SFMBT2: variants seen among roughly 807,000 people sequenced by gnomAD.
The protein encoded by SFMBT2 is scm-like with four MBT domains protein 2.
A neutral mutation model predicts 110.1 loss-of-function variants in SFMBT2; 38 were observed. The observed-to-expected ratio is 0.35, with a 90% confidence interval of 0.27 to 0.45. The LOEUF is 0.45. Among genes scored for constraint, SFMBT2 ranks in the 20% least tolerant of loss-of-function variants. The probability of loss-of-function intolerance (pLI) is 1.00; values close to 1 mark genes in which losing one functional copy is unlikely to be tolerated. For missense variants in SFMBT2, 1,011 were observed against 1,094.9 expected (o/e 0.92, Z 1.08); for synonymous variants, 425 against 425.4 (o/e 1.00, Z 0.01).
intron 1 of SFMBT2, among the ~76,000 whole-genome samples, chr10:7,401,432 C>G (rs1483118289): frequency 2.0e-5 from 3 of 152,224 alleles, no homozygotes; most frequent in Non-Finnish European, 4.4e-5. Flanking sequence ...GTGATCTTAA[C>G]ACCTCCTGTT....
intron 20 of SFMBT2, among the ~76,000 whole-genome samples, chr10:7,165,944 A>G (rs947206603): frequency 2.6e-5 from 4 of 152,248 alleles, no homozygotes; most frequent in Admixed American, 6.5e-5. Context: ...CTGTAGGCCA[A>G]TTCCACTTTC....
chr10:7,256,668 G>A (rs776385378), intron 7 of SFMBT2, among the ~76,000 whole-genome samples: 2 of 152,142 alleles, frequency 1.3e-5, no homozygotes, highest in South Asian at 2.1e-4. Context: ...ACTTCCATGC[G>A]ATGTTATCGA....
At chr10:7,214,887 C>T (rs766512014) in intron 11 of SFMBT2, among the ~76,000 whole-genome samples, 12 of 152,198 alleles carry the variant, frequency 7.9e-5, no homozygotes, top group East Asian at 1.9e-4. Flanking sequence ...TTTTGTTATT[C>T]GCACTCTAAA....
chr10:7,405,977 G>T (rs1361583010), intron 1 of SFMBT2, among the ~76,000 whole-genome samples: 1 of 151,360 alleles, frequency 6.6e-6, no homozygotes, highest in Non-Finnish European at 1.5e-5. Flanking sequence ...GTATGATGGG[G>T]GCAATAAGTT....
At position 7,177,869 on chromosome 10, in the gene SFMBT2, AAGAAGAAG is replaced by A. The variant is rs756871001; in HGVS notation, c.1809-1712_1809-1705del. Among the ~76,000 whole-genome samples the A allele has an allele frequency of 2.0e-4, 21 of 105,778 alleles. No homozygotes were observed. The South Asian group carries it at 6.3e-3, about 32-fold the overall frequency. The allele number at this position is 105,778 out of a possible 152,430, so 69.4% of individuals were successfully genotyped here. Reference sequence around the variant, plus strand: ...TGGGGCTCTGTCTCTTAAAAAAAAAAAGAAGAAGAAGAAGAAGAAGTTGAAAAGCCACC... The same window carrying A: ...TGGGGCTCTGTCTCTTAAAAAAAAAAAAGAAGAAGAAGTTGAAAAGCCACC... On this transcript the variant is annotated intron_variant, in intron 16 of 20. Transcript: ENST00000397167.
chr10:7,208,524 A>AGT (rs2131619345), intron 11 of SFMBT2, among the ~76,000 whole-genome samples: 1 of 150,692 alleles, frequency 6.6e-6, no homozygotes, highest in East Asian at 1.9e-4. Flanking sequence ...ATCTCTACTA[A>AGT]AAATACAAAA....
chr10:7,257,338 C>A (rs1190519598), intron 7 of SFMBT2, among the ~76,000 whole-genome samples: 3 of 152,184 alleles, frequency 2.0e-5, no homozygotes, highest in Non-Finnish European at 4.4e-5. Context: ...CCACCACTTT[C>A]AACATCTGCC....
intron 7 of SFMBT2, chr10:7,249,602 A>G: frequency 1.0e-6 from 1 of 965,684 alleles, no homozygotes; most frequent in Non-Finnish European, 1.2e-6. Flanking sequence ...TTTACCTGCA[A>G]ATCTAAAGTG....
At chr10:7,395,860 G>A (rs1021722975) in intron 1 of SFMBT2, among the ~76,000 whole-genome samples, 1 of 151,838 alleles carries the variant, frequency 6.6e-6, no homozygotes, top group Non-Finnish European at 1.5e-5. Context: ...TGTTAGTTCT[G>A]GTGTCTACTT....
chr10:7,280,813 G>C (rs932477610), intron 6 of SFMBT2, among the ~76,000 whole-genome samples: 3 of 152,232 alleles, frequency 2.0e-5, no homozygotes, highest in Non-Finnish European at 2.9e-5. Context: ...CAATGGCCCT[G>C]TGTTTCTCAG....
intron 1 of SFMBT2, among the ~76,000 whole-genome samples, chr10:7,385,271 G>A (rs1043669375): frequency 5.3e-5 from 8 of 152,178 alleles, no homozygotes; most frequent in Admixed American, 2.0e-4. Flanking sequence ...GAGATGACAG[G>A]ATCACGTGGT....
chr10:7,188,844 C>A (rs1838505932), intron 15 of SFMBT2, 111 bp from the exon 16 acceptor site: 4 of 833,618 alleles, frequency 4.8e-6, no homozygotes, highest in Non-Finnish European at 7.5e-6. Flanking sequence ...CGCCACTACA[C>A]CCACATGAAG....
chr10:7,337,235 C>T (rs956534396), intron 4 of SFMBT2, among the ~76,000 whole-genome samples: 2 of 152,132 alleles, frequency 1.3e-5, no homozygotes, highest in African/African-American at 4.8e-5. Context: ...TGTTCAAAGC[C>T]GCTGCTATTA....
intron 4 of SFMBT2, among the ~76,000 whole-genome samples, chr10:7,355,877 C>G (rs899831837): frequency 1.2e-4 from 18 of 152,156 alleles, no homozygotes; most frequent in African/African-American, 4.3e-4. Flanking sequence ...AAATTCTGTA[C>G]TAATTTCTTC....
chr10:7,360,955 ATATT>A (rs1332210251), intron 4 of SFMBT2, among the ~76,000 whole-genome samples: 2 of 152,242 alleles, frequency 1.3e-5, no homozygotes, highest in African/African-American at 4.8e-5. Context: ...ACTTTTTAAA[ATATT>A]TATTTAAAAC....
At chr10:7,195,663 C>T (rs571807603) in intron 15 of SFMBT2, among the ~76,000 whole-genome samples, 42 of 152,306 alleles carry the variant, frequency 2.8e-4, no homozygotes, top group Middle Eastern at 3.4e-3. Flanking sequence ...TCATCACCCG[C>T]ACCCCAGATG....
At chr10:7,315,430 A>G (rs7911334) in intron 4 of SFMBT2, among the ~76,000 whole-genome samples, 66,672 of 152,022 alleles carry the variant, frequency 0.44, 15,539 homozygotes, top group African/African-American at 0.62. Context: ...CCCACCTTCC[A>G]ACTCTATCTG....
chr10:7,174,064 G>A (rs1259790046), intron 17 of SFMBT2, among the ~76,000 whole-genome samples: 1 of 152,128 alleles, frequency 6.6e-6, no homozygotes, highest in Admixed American at 6.5e-5. Flanking sequence ...AAAACTGTCG[G>A]GAAGCCGCAC....
At chr10:7,205,639 T>G in intron 12 of SFMBT2, 176 bp downstream of exon 12, 1 of 985,444 alleles carries the variant, frequency 1.0e-6, no homozygotes, top group East Asian at 1.1e-4. Flanking sequence ...ACCTGTGACA[T>G]CATCTCATGC....
Sources: gnomAD v4.1 joint callset for allele counts (sites outside exome capture counted in the v4.1 genomes callset) on GRCh38, gnomAD v4.1.1 for gene constraint, MANE v1.5 for transcripts, NCBI Gene and HGNC (gene_info 2026-07-23, HGNC 2026-07-21) for gene names.